The following FSTL4 variants were observed in gnomAD, a reference collection of about 807,000 sequenced individuals.
FSTL4 encodes follistatin like 4.
A neutral mutation model predicts 78.2 loss-of-function variants in FSTL4; 28 were observed. The ratio of observed to expected loss-of-function variants is 0.36; its 90% CI spans 0.27 to 0.49. FSTL4 has a LOEUF of 0.49. FSTL4 is among the 20% of genes least tolerant of loss of function. The pLI, the probability that FSTL4 is intolerant of heterozygous loss-of-function variation, is 0.98. For synonymous variants in FSTL4, 422 were observed against 440.5 expected, an observed-to-expected ratio of 0.96 and a Z score of 0.53; for missense variants, 922 against 1,084.9, an observed-to-expected ratio of 0.85 and a Z score of 2.11.
the FSTL4 span, among the ~76,000 whole-genome samples, chr5:133,835,258 C>T: frequency 6.6e-6 from 1 of 152,176 alleles, no homozygotes. Flanking sequence ...TTGATTCTTG[C>T]TACTGACTCT....
Position 133,546,147 on chromosome 5 carries a change from G to A in FSTL4, c.160+21039C>T, listed in dbSNP as rs554078361. 4.5e-4 allele frequency among the ~76,000 whole-genome samples: 69 copies of A among 152,280 alleles called. 1 individual carries two copies. Among genetic ancestry groups the A allele is most frequent in the Non-Finnish European group, 2.9e-4 (20 of 68,012 alleles). ...AGAGAGGAAAAAGTGACTTACAGAT[G>A]AAACTCATAATCAAAAGGGTAGCAA... On this transcript the variant is annotated intron_variant, in intron 3 of 15. Coordinates refer to ENST00000265342, the MANE Select transcript of FSTL4 (RefSeq NM_015082.2).
intron 3 of FSTL4, among the ~76,000 whole-genome samples, chr5:133,459,630 A>C (rs1400620551): frequency 6.6e-6 from 1 of 152,236 alleles, no homozygotes; most frequent in East Asian, 1.9e-4. Context: ...AAAACCAAAC[A>C]GACAGTCCTT....
intron 3 of FSTL4, among the ~76,000 whole-genome samples, chr5:133,414,299 T>A (rs934546134): frequency 5.3e-5 from 8 of 152,190 alleles, no homozygotes; most frequent in African/African-American, 2.4e-5. Flanking sequence ...AGGAACATTT[T>A]CTTGCCAGTC....
At chr5:133,218,791 C>T (rs1453238393) in intron 12 of FSTL4, among the ~76,000 whole-genome samples, 1 of 152,210 alleles carries the variant, frequency 6.6e-6, no homozygotes, top group African/African-American at 2.4e-5. Context: ...CCCTTACTCT[C>T]TTACCAGCTG....
the FSTL4 span, among the ~76,000 whole-genome samples, chr5:133,677,186 A>G: frequency 6.6e-6 from 1 of 152,240 alleles, no homozygotes; most frequent in African/African-American, 2.4e-5. Context: ...GATCGTTCAC[A>G]CACACGTCAA....
At chr5:133,316,375 T>A in intron 5 of FSTL4, 84 bp downstream of exon 5, 1 of 1,038,510 alleles carries the variant, frequency 9.6e-7, no homozygotes, top group South Asian at 1.4e-5. Flanking sequence ...ATTGAACACA[T>A]GCTCTTAGAC....
chr5:133,497,984 C>T (rs1049370440), intron 3 of FSTL4, among the ~76,000 whole-genome samples: 1 of 152,032 alleles, frequency 6.6e-6, no homozygotes, highest in Non-Finnish European at 1.5e-5. Flanking sequence ...CTGTGACTTG[C>T]GGGGTCTGTC....
At chr5:133,417,576 T>C (rs1756600557) in intron 3 of FSTL4, among the ~76,000 whole-genome samples, 1 of 152,098 alleles carries the variant, frequency 6.6e-6, no homozygotes, top group Admixed American at 6.5e-5. Flanking sequence ...GGCAAATTAT[T>C]ATCTAACAAC....
chr5:133,506,623 G>A (rs1234219303), intron 3 of FSTL4, among the ~76,000 whole-genome samples: 4 of 152,130 alleles, frequency 2.6e-5, no homozygotes, highest in African/African-American at 7.2e-5. Flanking sequence ...CCTCTGTAAC[G>A]GGGGAATAAT....
At chr5:133,332,611 T>G (rs932442725) in intron 4 of FSTL4, among the ~76,000 whole-genome samples, 3 of 152,240 alleles carry the variant, frequency 2.0e-5, no homozygotes, top group African/African-American at 7.2e-5. Context: ...AGAATTAGCA[T>G]GTTTTGCTTC....
intron 3 of FSTL4, among the ~76,000 whole-genome samples, chr5:133,546,016 A>G (rs1015752439): frequency 6.6e-6 from 1 of 152,254 alleles, no homozygotes; most frequent in Admixed American, 6.5e-5. Flanking sequence ...TGGACTGTAG[A>G]ACTTAAGAGC....
the FSTL4 span, among the ~76,000 whole-genome samples, chr5:133,768,036 G>A: frequency 6.6e-6 from 1 of 152,196 alleles, no homozygotes; most frequent in Non-Finnish European, 1.5e-5. Flanking sequence ...TATTTATGCT[G>A]ATGGAAGAGG....
the FSTL4 span, among the ~76,000 whole-genome samples, chr5:133,763,997 C>T: frequency 6.6e-6 from 1 of 152,218 alleles, no homozygotes; most frequent in Non-Finnish European, 1.5e-5. Context: ...CTTTGTGCTA[C>T]AGTCCCTGCC....
intron 4 of FSTL4, among the ~76,000 whole-genome samples, chr5:133,342,034 G>T (rs368820596): frequency 6.6e-6 from 1 of 152,094 alleles, no homozygotes; most frequent in Non-Finnish European, 1.5e-5. Flanking sequence ...CTGGCAACTC[G>T]CACAGACCCC....
At chr5:133,518,317 G>GA (rs1181990601) in intron 3 of FSTL4, among the ~76,000 whole-genome samples, 1 of 151,646 alleles carries the variant, frequency 6.6e-6, no homozygotes, top group Non-Finnish European at 1.5e-5. Context: ...TACATCAATA[G>GA]AAAAAAGACA....
At chr5:133,358,562 T>C (rs368566062) in intron 4 of FSTL4, among the ~76,000 whole-genome samples, 321 of 150,448 alleles carry the variant, frequency 2.1e-3, no homozygotes, top group African/African-American at 7.6e-3. Flanking sequence ...GCTTGCACGA[T>C]GGGGCCCATC....
At chr5:133,716,461 CA>C in the FSTL4 span, among the ~76,000 whole-genome samples, 1 of 151,810 alleles carries the variant, frequency 6.6e-6, no homozygotes, top group Non-Finnish European at 1.5e-5. Flanking sequence ...ATGTGTTTGC[CA>C]AATTTCATTT....
chr5:133,692,065 C>A, the FSTL4 span, among the ~76,000 whole-genome samples: 2 of 152,132 alleles, frequency 1.3e-5, no homozygotes, highest in Admixed American at 1.3e-4. Context: ...AGAATTACAG[C>A]AAGGAGCTGG....
the FSTL4 span, among the ~76,000 whole-genome samples, chr5:133,701,502 CACA>C: frequency 2.2e-5 from 3 of 133,964 alleles, no homozygotes; most frequent in Non-Finnish European, 4.8e-5. Flanking sequence ...CACACACACA[CACA>C]CACACCCCAC....
Sources: allele counts gnomAD v4.1 joint callset (sites outside exome capture counted in the v4.1 genomes callset), GRCh38; gene constraint gnomAD v4.1.1; transcripts MANE v1.5; gene names NCBI Gene and HGNC (gene_info 2026-07-23, HGNC 2026-07-21).